The following ANKFN1 variants were observed in gnomAD, a reference collection of about 807,000 sequenced individuals.
ANKFN1 encodes ankyrin repeat and fibronectin type-III domain-containing protein 1.
ANKFN1 carries 74 observed loss-of-function variants against 108.7 expected under a neutral mutation model. The observed-to-expected ratio is 0.68, with a 90% CI of 0.56 to 0.83. The LOEUF (loss-of-function observed/expected upper bound fraction) is 0.83, where lower values mean the gene tolerates loss of function less well. ANKFN1 is among the 40% of genes least tolerant of loss of function. The probability of loss-of-function intolerance (pLI) is 0.00; values close to 1 mark genes in which losing one functional copy is unlikely to be tolerated. For missense variants in ANKFN1, 1,505 were observed against 1,382.3 expected (o/e 1.09, Z -1.41); for synonymous variants, 547 against 516.2 (o/e 1.06, Z -0.81).
At chr17:56,072,298 T>C (rs1905129571) in intron 4 of ANKFN1, among the ~76,000 whole-genome samples, 1 of 152,204 alleles carries the variant, frequency 6.6e-6, no homozygotes. Flanking sequence ...ATTCATTTCC[T>C]TTTTTAACTC....
At chr17:56,247,292 A>G (rs1420967184) in intron 3 of ANKFN1, among the ~76,000 whole-genome samples, 1 of 152,202 alleles carries the variant, frequency 6.6e-6, no homozygotes, top group Non-Finnish European at 1.5e-5. Context: ...AAGGAAATTT[A>G]GGGATTTAAA....
At chr17:56,209,845 A>C (rs972349726) in intron 1 of ANKFN1, among the ~76,000 whole-genome samples, 5 of 152,078 alleles carry the variant, frequency 3.3e-5, no homozygotes, top group Non-Finnish European at 7.4e-5. Flanking sequence ...TGAGTGCCCA[A>C]AGTCCATTGT....
intron 3 of ANKFN1, among the ~76,000 whole-genome samples, chr17:56,250,220 C>T (rs187355519): frequency 2.0e-5 from 3 of 152,192 alleles, no homozygotes; most frequent in Non-Finnish European, 4.4e-5. Flanking sequence ...TGTTGAGATA[C>T]ACCTATTTAA....
At chr17:56,440,615 C>T (rs1414734227) in intron 9 of ANKFN1, among the ~76,000 whole-genome samples, 191 bp downstream of exon 9, 1 of 152,156 alleles carries the variant, frequency 6.6e-6, no homozygotes, top group Non-Finnish European at 1.5e-5. Flanking sequence ...GCATGAATCA[C>T]TTTATAAACT....
intron 14 of ANKFN1, among the ~76,000 whole-genome samples, chr17:56,464,745 C>T (rs2050021310): frequency 6.6e-6 from 1 of 152,128 alleles, no homozygotes; most frequent in South Asian, 2.1e-4. Context: ...TTGATTTAAT[C>T]CCTCAAACAT....
At position 56,246,699 on chromosome 17, in the gene ANKFN1, T is replaced by A. The variant is rs139219446; in HGVS notation, c.53+18742T>A. 8.6e-4 allele frequency among the ~76,000 whole-genome samples: 130 copies of A among 151,642 alleles called. 1 individual carries two copies. The highest frequency in any genetic ancestry group is 3.0e-3 in the African/African-American group (124 of 41,316). ...TCATATGTGAGTTGTTACAATTCCA[T>A]AAAAAAACAAAGAAACTTCACATTT... On this transcript the variant is annotated intron_variant, in intron 3 of 20. Transcript: ENST00000682825.
intron 4 of ANKFN1, among the ~76,000 whole-genome samples, chr17:56,111,521 C>CAAAA (rs201360564): frequency 3.9e-5 from 4 of 101,670 alleles, no homozygotes; most frequent in African/African-American, 1.1e-4. Context: ...TCATAAATGG[C>CAAAA]AAAAAAAAAA....
At chr17:56,288,648 C>T (rs2144293109) in intron 3 of ANKFN1, among the ~76,000 whole-genome samples, 1 of 152,218 alleles carries the variant, frequency 6.6e-6, no homozygotes, top group African/African-American at 2.4e-5. Flanking sequence ...CTACAAGAGT[C>T]CACATAGACC....
chr17:56,478,377 G>C (rs2050580892), intron 16 of ANKFN1, among the ~76,000 whole-genome samples: 1 of 152,064 alleles, frequency 6.6e-6, no homozygotes, highest in Non-Finnish European at 1.5e-5. Context: ...TACAGGAATG[G>C]GTTTCATAGA....
chr17:56,102,645 G>A (rs919931234), intron 4 of ANKFN1, among the ~76,000 whole-genome samples: 1 of 148,294 alleles, frequency 6.7e-6, no homozygotes, highest in Non-Finnish European at 1.5e-5. Flanking sequence ...TTTTTTTTCA[G>A]GAAATAGAGT....
chr17:56,381,754 C>T (rs564978686), intron 8 of ANKFN1, among the ~76,000 whole-genome samples: 12 of 152,114 alleles, frequency 7.9e-5, no homozygotes, highest in South Asian at 4.2e-4. Context: ...TAAAAAGAAA[C>T]GAACAAAGCC....
At chr17:56,255,827 A>G (rs531707645) in intron 3 of ANKFN1, among the ~76,000 whole-genome samples, 43 of 152,316 alleles carry the variant, frequency 2.8e-4, no homozygotes, top group Middle Eastern at 6.8e-3. Flanking sequence ...ATAATCTAAT[A>G]TTAGGAATTT....
chr17:56,096,830 A>G (rs1211937326), intron 4 of ANKFN1, among the ~76,000 whole-genome samples: 1 of 152,244 alleles, frequency 6.6e-6, no homozygotes, highest in Non-Finnish European at 1.5e-5. Flanking sequence ...TATTGCAGCA[A>G]TATTCACAAT....
At chr17:56,274,665 G>A (rs2043877173) in intron 3 of ANKFN1, among the ~76,000 whole-genome samples, 1 of 152,044 alleles carries the variant, frequency 6.6e-6, no homozygotes, top group Non-Finnish European at 1.5e-5. Context: ...GCTTGACCAG[G>A]CCCTCACACC....
At chr17:56,427,874 C>T (rs1186888433) in intron 8 of ANKFN1, among the ~76,000 whole-genome samples, 2 of 152,136 alleles carry the variant, frequency 1.3e-5, no homozygotes, top group African/African-American at 4.8e-5. Flanking sequence ...TTTTGAGTCT[C>T]AGTTTCCTCA....
chr17:56,119,302 A>G (rs890217101), intron 4 of ANKFN1, among the ~76,000 whole-genome samples: 3 of 152,170 alleles, frequency 2.0e-5, no homozygotes, highest in Non-Finnish European at 4.4e-5. Context: ...AAGAGCTTGT[A>G]ATGCTCCTGA....
At position 56,228,232 on chromosome 17, in the gene ANKFN1, T is replaced by C; in HGVS notation, c.53+275T>C. On this transcript the variant is annotated intron_variant, in intron 3 of 20. Coordinates refer to ENST00000682825, the MANE Select transcript of ANKFN1 (RefSeq NM_001370326.1). The stretch of plus-strand genomic sequence containing the variant: ...TAAAAAAATAGGCAATATTCATTTA[T>C]ATATTATGACCATGTGACACTAAAC... 8.3e-6 allele frequency: 3 copies of C among 363,272 alleles called. 1 individual carries two copies. The South Asian group carries it at 1.5e-4, about 19-fold the overall frequency. 22.5% of individuals were successfully genotyped at this position (363,272 alleles called of 1,614,324 possible). A position where few individuals can be genotyped will look rare whatever the true frequency, so the allele number is the denominator to read the frequency against.
At chr17:56,233,050 C>T (rs78917231) in intron 3 of ANKFN1, among the ~76,000 whole-genome samples, 304 of 151,994 alleles carry the variant, frequency 2.0e-3, no homozygotes, top group African/African-American at 6.9e-3. Context: ...TTTGTATCTG[C>T]GTCATAAGGT....
intron 4 of ANKFN1, among the ~76,000 whole-genome samples, chr17:56,349,153 C>A (rs1166417720): frequency 6.6e-6 from 1 of 152,072 alleles, no homozygotes; most frequent in African/African-American, 2.4e-5. Flanking sequence ...TACACGTTCT[C>A]ACTTATAAGT....
Sources: gnomAD v4.1 joint callset for allele counts (sites outside exome capture counted in the v4.1 genomes callset) on GRCh38, gnomAD v4.1.1 for gene constraint, MANE v1.5 for transcripts, NCBI Gene and HGNC (gene_info 2026-07-23, HGNC 2026-07-21) for gene names.